MED12L: variants seen among roughly 807,000 people sequenced by gnomAD.
MED12L encodes the protein mediator complex subunit 12L.
MED12L carries 60 observed loss-of-function variants against 281.3 expected under a neutral mutation model. The observed-to-expected ratio is 0.21, with a 90% CI of 0.17 to 0.26. MED12L has a LOEUF of 0.26. MED12L is among the 10% of genes least tolerant of loss of function. MED12L has a pLI of 1.00. For missense variants in MED12L, 2,146 were observed against 2,680.9 expected (o/e 0.80, Z 4.41); for synonymous variants, 974 against 987.2 (o/e 0.99, Z 0.25).
intron 16 of MED12L, among the ~76,000 whole-genome samples, chr3:151,286,282 A>G (rs544573554): frequency 3.3e-5 from 5 of 152,334 alleles, no homozygotes; most frequent in Admixed American, 1.3e-4. Context: ...AATACAGAAC[A>G]TAAATTTTGT....
At chr3:151,114,565 G>A (rs929812106) in intron 2 of MED12L, among the ~76,000 whole-genome samples, 3 of 152,158 alleles carry the variant, frequency 2.0e-5, no homozygotes, top group African/African-American at 4.8e-5. Context: ...AGAGGAATAA[G>A]TGTATCTTAT....
In MED12L at chr3:151,384,089, A is replaced by G. The variant is rs1712891629; in HGVS notation, c.4797A>G (p.Leu1599=). The G allele has an allele frequency of 6.2e-7, 1 of 1,612,558 alleles. No homozygotes were observed. Among genetic ancestry groups the G allele is most frequent in the South Asian group, 1.1e-5 (1 of 90,596 alleles). The change falls in exon 35 of 45, where the codon TTA becomes TTG. Residue 1599 remains leucine (L), a synonymous_variant. Transcript: ENST00000687756. ...TAATTATTTTCTTTCTTAGTGAATT[A>G]TTCACAACAGTTCTTGACATGCTGG... ...GTVDMHTNNE[L]FTTVLDMLGV...
At chr3:151,281,599 T>C (rs186940973) in intron 16 of MED12L, among the ~76,000 whole-genome samples, 1 of 152,106 alleles carries the variant, frequency 6.6e-6, no homozygotes, top group Non-Finnish European at 1.5e-5. Flanking sequence ...ATAGTCAATA[T>C]TTTCCTTTTA....
At chr3:151,329,312 GATA>G (rs1282460155) in intron 16 of MED12L, among the ~76,000 whole-genome samples, 1 of 152,132 alleles carries the variant, frequency 6.6e-6, no homozygotes, top group Non-Finnish European at 1.5e-5. Flanking sequence ...CTGTTTAAGA[GATA>G]ATAATACATT....
At chr3:151,161,995 A>G (rs988406164) in intron 8 of MED12L, among the ~76,000 whole-genome samples, 4 of 152,268 alleles carry the variant, frequency 2.6e-5, no homozygotes, top group East Asian at 3.9e-4. Flanking sequence ...ATGGAGAATA[A>G]GGAGAAATAG....
intron 16 of MED12L, among the ~76,000 whole-genome samples, chr3:151,228,571 A>G (rs758289872): frequency 1.3e-4 from 20 of 152,224 alleles, no homozygotes; most frequent in Non-Finnish European, 2.2e-4. Flanking sequence ...TATGTGGCCC[A>G]GCAGTGCTTG....
rs1424552495 is a variant in MED12L at position 151,376,154 on chromosome 3, C to A, written c.3993C>A (p.Gly1331=). 1 of 1,609,386 alleles carries A rather than the reference C, an allele frequency of 6.2e-7. No individual in the cohort carries two copies. Residue 1331 remains glycine, a synonymous_variant, in exon 28 of 45, where the codon GGC becomes GGA. Coordinates refer to ENST00000687756, the MANE Select transcript of MED12L (RefSeq NM_001393769.1). ...TGCAGCTTATCTGTTATCCTCATGGCATTAAAGAATGTACCGAGGGGGACA... is the reference window on the plus strand; with the variant it reads ...TGCAGCTTATCTGTTATCCTCATGGAATTAAAGAATGTACCGAGGGGGACA... ...KLLQLICYPH[G]IKECTEGDNL...
intron 33 of MED12L, 47 bp from the exon 34 acceptor site, chr3:151,383,732 T>C (rs983053587): frequency 7.7e-7 from 1 of 1,292,412 alleles, no homozygotes; most frequent in Non-Finnish European, 1.1e-6. Context: ...TGGGGTGTTC[T>C]TTCTGTTTTA....
chr3:151,175,506 A>G (rs771037493), intron 11 of MED12L, among the ~76,000 whole-genome samples: 16 of 152,198 alleles, frequency 1.1e-4, no homozygotes, highest in Non-Finnish European at 2.2e-4. Flanking sequence ...TTATGGTGTT[A>G]TATAACCTAG....
At chr3:151,210,768 G>C (rs556793644) in intron 16 of MED12L, among the ~76,000 whole-genome samples, 125 of 152,228 alleles carry the variant, frequency 8.2e-4, no homozygotes, top group African/African-American at 2.2e-3. Context: ...GTGACTTTTC[G>C]TATCTTGAAA....
At chr3:151,193,294 G>A (rs2149107141) in intron 15 of MED12L, among the ~76,000 whole-genome samples, 196 bp from the exon 16 acceptor site, 1 of 152,256 alleles carries the variant, frequency 6.6e-6, no homozygotes, top group South Asian at 2.1e-4. Context: ...AAAATGGAGG[G>A]TGATGCTCAC....
intron 44 of MED12L, among the ~76,000 whole-genome samples, chr3:151,430,860 A>C (rs559277248): frequency 6.7e-6 from 1 of 149,940 alleles, no homozygotes; most frequent in South Asian, 2.1e-4. Context: ...ATAAATCAAA[A>C]CCTATAACAT....
chr3:151,177,208 G>A (rs1043295184), intron 11 of MED12L, among the ~76,000 whole-genome samples: 10 of 152,322 alleles, frequency 6.6e-5, no homozygotes, highest in Non-Finnish European at 1.2e-4. Flanking sequence ...ATGGCTGGCC[G>A]GAGTGGTGCT....
intron 25 of MED12L, among the ~76,000 whole-genome samples, chr3:151,368,720 A>T (rs1755761157): frequency 2.1e-5 from 1 of 48,428 alleles, no homozygotes; most frequent in African/African-American, 6.8e-5. Flanking sequence ...ATTTCATTTC[A>T]TTTCATTTCA....
At chr3:151,313,791 G>A (rs1340553009) in intron 16 of MED12L, among the ~76,000 whole-genome samples, 1 of 152,064 alleles carries the variant, frequency 6.6e-6, no homozygotes, top group Non-Finnish European at 1.5e-5. Context: ...TTACATGGTG[G>A]TGGGCGCCTA....
chr3:151,327,920 G>T, intron 16 of MED12L: 1 of 1,088,146 alleles, frequency 9.2e-7, no homozygotes, highest in East Asian at 2.5e-5. Flanking sequence ...TTTTTTTCTT[G>T]GTTAAATTTG....
intron 11 of MED12L, among the ~76,000 whole-genome samples, chr3:151,179,991 G>GT (rs1377103213): frequency 1.3e-5 from 2 of 152,108 alleles, no homozygotes; most frequent in Non-Finnish European, 2.9e-5. Context: ...CACTTGGCAG[G>GT]TTTTATGATA....
rs1047344041 is a variant in MED12L at position 151,377,016 on chromosome 3, A to G, written c.4154A>G (p.Asn1385Ser). ...DPGSGSVAEM[N>S]NLLDNIAKAT... ...GGCTCTGGTTCTGTGGCCGAAATGA[A>G]CAACTTACTGGACAATATTGCAAAG... The change falls in exon 30 of 45, where the codon AAC (asparagine) becomes AGC (serine). Residue 1385 changes from asparagine (N) to serine (S), a missense_variant. Physicochemically the swap from Asn to Ser is conservative, Grantham distance 46. This residue lies in a region of MED12L where 235 missense variants were observed against 260.3 expected (regional missense o/e 0.90). Coordinates refer to ENST00000687756, the MANE Select transcript of MED12L (RefSeq NM_001393769.1). The G allele has an allele frequency of 1.2e-6, 2 of 1,613,856 alleles. No homozygotes were observed. Among genetic ancestry groups the G allele is most frequent in the Non-Finnish European group, 1.7e-6 (2 of 1,179,920 alleles).
chr3:151,217,708 G>A (rs1728515963), intron 16 of MED12L, among the ~76,000 whole-genome samples: 1 of 152,134 alleles, frequency 6.6e-6, no homozygotes, highest in Non-Finnish European at 1.5e-5. Context: ...CATCTTAAAG[G>A]AACACTCTAA....
Sources: allele counts gnomAD v4.1 joint callset (sites outside exome capture counted in the v4.1 genomes callset), GRCh38; gene constraint gnomAD v4.1.1; regional missense constraint gnomAD v4.1.1; transcripts MANE v1.5; gene names NCBI Gene and HGNC (gene_info 2026-07-23, HGNC 2026-07-21).